The following CCDC24 variants were observed in gnomAD, a reference collection of about 807,000 sequenced individuals.
CCDC24 encodes the protein coiled-coil domain-containing protein 24.
CCDC24 carries 34 observed loss-of-function variants against 31.6 expected under a neutral mutation model. That is an observed-to-expected ratio of 1.08 (90% CI 0.82 to 1.43). The LOEUF is 1.43. Ranked by LOEUF, CCDC24 falls within the 40% of genes most tolerant of loss-of-function variation. The pLI is 0.00. For synonymous variants in CCDC24, 175 were observed against 157.3 expected, an observed-to-expected ratio of 1.11 and a Z score of -0.84; for missense variants, 426 against 391.1, an observed-to-expected ratio of 1.09 and a Z score of -0.75.
rs765133071 is a variant in CCDC24, at chr1:43,992,513, C to G, written c.303-10C>G. The stretch of plus-strand genomic sequence containing the variant: ...AGCCTCTCAGCTTCCTTCCTGTGCA[C>G]CTTCTGCAGGGACCAGGCCCAAGCT... On this transcript the variant is annotated splice_polypyrimidine_tract_variant and intron_variant, in intron 3 of 8. Transcript: ENST00000372318. The G allele has an allele frequency of 6.2e-7, 1 of 1,614,148 alleles. No individual in the cohort carries two copies. The highest frequency in any genetic ancestry group is 8.5e-7 in the Non-Finnish European group (1 of 1,179,960).
chr1:43,995,740 A>G lies in CCDC24; in HGVS notation c.623-38A>G. ...CACCCCACACTTGTACACACCCTAG[A>G]AGAGCTGGGCACTGTCTCAGCCCAA... On this transcript the variant is annotated intron_variant, in intron 7 of 8. Transcript: ENST00000372318. This position sits in a 1 kb window ranked among gnomAD's most constrained non-coding sequence, Gnocchi z 4.3. The G allele has an allele frequency of 1.9e-6, 3 of 1,613,846 alleles. No individual in the cohort carries two copies. The highest frequency in any genetic ancestry group is 2.5e-6 in the Non-Finnish European group (3 of 1,179,762).
At position 43,996,249 on chromosome 1, in the gene CCDC24, G is replaced by T; in HGVS notation, c.*89G>T. The T allele has an allele frequency of 8.0e-7, 1 of 1,257,110 alleles. No homozygotes were observed. The highest frequency in any genetic ancestry group is 1.5e-5 in the South Asian group (1 of 65,136). The allele number at this position is 1,257,110 out of a possible 1,614,324, so 77.9% of individuals were successfully genotyped here. A position where few individuals can be genotyped will look rare whatever the true frequency, so the allele number is the denominator to read the frequency against. On this transcript the variant is annotated 3_prime_UTR_variant, in exon 9 of 9. Coordinates refer to ENST00000372318, the MANE Select transcript of CCDC24 (RefSeq NM_152499.4). Reference sequence around the variant, plus strand: ...AGCTGCTTTGGCCCAGCCAGCTTCAGATCTGGTCTTGGCGAGCTCTCGCCA... The same window carrying T: ...AGCTGCTTTGGCCCAGCCAGCTTCATATCTGGTCTTGGCGAGCTCTCGCCA...
chr1:43,991,770 C>A, intron 1 of CCDC24, 24 bp downstream of exon 1: 2 of 1,379,276 alleles, frequency 1.5e-6, no homozygotes, highest in South Asian at 1.2e-5. Context: ...GAGGGCGGGG[C>A]CCATAGAGGG....
chr1:43,992,069 T>C, intron 2 of CCDC24, 65 bp downstream of exon 2: 1 of 1,301,660 alleles, frequency 7.7e-7, no homozygotes, highest in Non-Finnish European at 1.0e-6. Flanking sequence ...TTCCCACCTC[T>C]GCGGGTCCCT....
rs748096909 is a variant in CCDC24 at position 43,996,113 on chromosome 1, C to T, written c.877C>T (p.Pro293Ser). Reference sequence around the variant, plus strand: ...GCTTCAGTGCAGCCCCAGGGAAGGGCCAGCTTCCACACCCATGTCCAGTGC... The same window carrying T: ...GCTTCAGTGCAGCCCCAGGGAAGGGTCAGCTTCCACACCCATGTCCAGTGC... The part of the protein sequence containing the change: ...RQLQCSPREG[P>S]ASTPMSSAAP... Residue 293 changes from proline to serine, a missense_variant, in exon 9 of 9, where the codon CCA becomes TCA. Physicochemically the swap from Pro to Ser is moderately conservative, Grantham distance 74. Transcript: ENST00000372318. 2.0e-5 allele frequency: 32 copies of T among 1,612,864 alleles called. No individual in the cohort carries two copies. The highest frequency in any genetic ancestry group is 2.7e-5 in the Non-Finnish European group (32 of 1,179,538).
rs769998008 is a variant in CCDC24, at chr1:43,995,874, A to T, written c.701+18A>T. ...AACCACAGGTAAACCACAACAGTAG[A>T]CACAGGGCAGGGTGGACTGAAGGAT... On this transcript the variant is annotated intron_variant, in intron 8 of 8. Transcript: ENST00000372318. The surrounding 1 kb of genome is among the most constrained non-coding windows in gnomAD (Gnocchi z 4.3). 1.9e-6 allele frequency: 3 copies of T among 1,614,192 alleles called. No individual in the cohort carries two copies. The highest frequency in any genetic ancestry group is 1.7e-5 in the Admixed American group (1 of 60,034).
Position 43,995,544 on chromosome 1 carries a change from T to TCCTGCCTTGCCCCACC in CCDC24, c.553-47_553-32dup. 6.6e-7 allele frequency: 1 copy of TCCTGCCTTGCCCCACC among 1,510,402 alleles called. No individual in the cohort carries two copies. The highest frequency in any genetic ancestry group is 8.9e-7 in the Non-Finnish European group (1 of 1,121,104). The allele number at this position is 1,510,402 out of a possible 1,614,324, so 93.6% of individuals were successfully genotyped here. ...TGCCCTGGGGATCTTGGCCTCTGTA[T>TCCTGCCTTGCCCCACC]CCTGCCTTGCCCCACCCCTGCCTTG... On this transcript the variant is annotated intron_variant, in intron 6 of 8. Coordinates refer to ENST00000372318, the MANE Select transcript of CCDC24 (RefSeq NM_152499.4). The surrounding 1 kb of genome is among the most constrained non-coding windows in gnomAD (Gnocchi z 4.3).
rs769221473 is a variant in CCDC24, at chr1:43,995,130, C to T, written c.520C>T (p.His174Tyr). The change falls in exon 6 of 9, where the codon CAC (histidine) becomes TAC (tyrosine). Residue 174 changes from histidine to tyrosine, a missense_variant. His to Tyr is a moderately conservative substitution (Grantham distance 83). Coordinates refer to ENST00000372318, the MANE Select transcript of CCDC24 (RefSeq NM_152499.4). The surrounding 1 kb of genome is among the most constrained non-coding windows in gnomAD (Gnocchi z 4.3). Reference sequence around the variant, plus strand: ...CAGGGGCCTTCTGGAGGAGGAGTGTCACACCTTGGAGAGGGAGATCCTCAT... The same window carrying T: ...CAGGGGCCTTCTGGAGGAGGAGTGTTACACCTTGGAGAGGGAGATCCTCAT... Reference protein sequence around the residue: ...HLRGLLEEECHTLEREILILQ... With the variant: ...HLRGLLEEECYTLEREILILQ... 2.5e-6 allele frequency: 4 copies of T among 1,582,496 alleles called. No homozygotes were observed. In the South Asian group the frequency reaches 3.5e-5, roughly 14 times the overall value.
intron 2 of CCDC24, 66 bp from the exon 3 acceptor site, chr1:43,992,146 C>A: frequency 6.5e-7 from 1 of 1,531,626 alleles, no homozygotes; most frequent in Non-Finnish European, 8.9e-7. Flanking sequence ...CTCCCTCACT[C>A]CCCCAGCCCC....
At chr1:43,993,230 C>A (rs924438563) in intron 4 of CCDC24, among the ~76,000 whole-genome samples, 2 of 151,514 alleles carry the variant, frequency 1.3e-5, no homozygotes, top group Non-Finnish European at 2.9e-5. Flanking sequence ...GGCTTGAGGC[C>A]AGGAGTTTGA....
In CCDC24 at chr1:43,996,216, G is replaced by A; in HGVS notation, c.*56G>A. On this transcript the variant is annotated 3_prime_UTR_variant, in exon 9 of 9. Transcript: ENST00000372318. Reference sequence around the variant, plus strand: ...TGCCACAGCGCACCTGTCTGCCGCTGCCGCCTCAGCTGCTTTGGCCCAGCC... The same window carrying A: ...TGCCACAGCGCACCTGTCTGCCGCTACCGCCTCAGCTGCTTTGGCCCAGCC... 7.1e-7 allele frequency: 1 copy of A among 1,415,692 alleles called. No individual in the cohort carries two copies. The highest frequency in any genetic ancestry group is 9.4e-7 in the Non-Finnish European group (1 of 1,061,124). 87.7% of individuals were successfully genotyped at this position (1,415,692 alleles called of 1,614,324 possible). A position where few individuals can be genotyped will look rare whatever the true frequency, so the allele number is the denominator to read the frequency against.
In CCDC24 at chr1:43,996,051, C is replaced by T. The variant is rs369147549; in HGVS notation, c.815C>T (p.Pro272Leu). ...PAPPLEPYLR[P>L]RGQSATHRWG... Reference sequence around the variant, plus strand: ...CCTCCTCTGGAGCCCTACCTTCGACCTCGAGGCCAGTCGGCTACCCACCGC... The same window carrying T: ...CCTCCTCTGGAGCCCTACCTTCGACTTCGAGGCCAGTCGGCTACCCACCGC... The change falls in exon 9 of 9, where the codon CCT becomes CTT. Residue 272 changes from proline (P) to leucine (L), a missense_variant. By Grantham distance (98) the Pro-to-Leu change is moderately conservative. Coordinates refer to ENST00000372318, the MANE Select transcript of CCDC24 (RefSeq NM_152499.4). 1 of 1,614,022 alleles carries T rather than the reference C, an allele frequency of 6.2e-7. No homozygotes were observed. The highest frequency in any genetic ancestry group is 8.5e-7 in the Non-Finnish European group (1 of 1,180,030).
In CCDC24 at chr1:43,991,993, C is replaced by G. The variant is rs2085752702; in HGVS notation, c.115C>G (p.Leu39Val). The change falls in exon 2 of 9, where the codon CTG (leucine) becomes GTG (valine). Residue 39 changes from leucine to valine, a missense_variant. By Grantham distance (32) the Leu-to-Val change is conservative. Transcript: ENST00000372318. ...GGCGGCGGTGGACCTGAGCCTGGAG[C>G]TGCGGGCGGAGGTGGGGAGAGGGAA... ...GEAAVDLSLE[L>V]RAEVAMLRAL... 6.6e-7 allele frequency: 1 copy of G among 1,506,738 alleles called. No individual in the cohort carries two copies. The highest frequency in any genetic ancestry group is 8.9e-7 in the Non-Finnish European group (1 of 1,120,220). 93.3% of individuals were successfully genotyped at this position (1,506,738 alleles called of 1,614,324 possible).
chr1:43,992,053 G>A (rs925628220), intron 2 of CCDC24, 49 bp downstream of exon 2: 5 of 1,372,206 alleles, frequency 3.6e-6, no homozygotes, highest in South Asian at 1.4e-5. Flanking sequence ...CCACGACTCG[G>A]GTGATTTCCC....
In CCDC24 at chr1:43,996,123, C is replaced by T. The variant is rs2085851692; in HGVS notation, c.887C>T (p.Thr296Ile). The change falls in exon 9 of 9, where the codon ACA becomes ATA. Residue 296 changes from threonine to isoleucine, a missense_variant. By Grantham distance (89) the Thr-to-Ile change is moderately conservative (BLOSUM62 -1). Transcript: ENST00000372318. ...AGCCCCAGGGAAGGGCCAGCTTCCA[C>T]ACCCATGTCCAGTGCAGCACCCCAA... ...QCSPREGPASTPMSSAAPQAP... is the reference protein window; with the variant it reads ...QCSPREGPASIPMSSAAPQAP... 2 of 1,611,412 alleles carry T rather than the reference C, an allele frequency of 1.2e-6. No homozygotes were observed. The highest frequency in any genetic ancestry group is 1.7e-5 in the Admixed American group (1 of 59,792).
chr1:43,992,591 G>A lies in CCDC24; in HGVS notation c.371G>A (p.Cys124Tyr). Residue 124 changes from cysteine to tyrosine, a missense_variant, in exon 4 of 9, where the codon TGT (cysteine) becomes TAT (tyrosine). By Grantham distance (194) the Cys-to-Tyr change is radical (BLOSUM62 -2). Coordinates refer to ENST00000372318, the MANE Select transcript of CCDC24 (RefSeq NM_152499.4). Reference protein sequence around the residue: ...VLHFALEEPRCDLPEQEIFQM... With the variant: ...VLHFALEEPRYDLPEQEIFQM... ...CACTTTGCCTTGGAGGAGCCCAGGT[G>A]TGATTTGCCAGAACAGGAGATATTC... The A allele has an allele frequency of 6.2e-7, 1 of 1,614,224 alleles. No individual in the cohort carries two copies. Among genetic ancestry groups the A allele is most frequent in the East Asian group, 2.2e-5 (1 of 44,890 alleles).
At position 43,996,263 on chromosome 1, in the gene CCDC24, G is replaced by T; in HGVS notation, c.*103G>T. The T allele has an allele frequency of 8.9e-7, 1 of 1,129,116 alleles. No homozygotes were observed. Among genetic ancestry groups the T allele is most frequent in the Non-Finnish European group, 1.2e-6 (1 of 814,082 alleles). 69.9% of individuals were successfully genotyped at this position (1,129,116 alleles called of 1,614,324 possible). Reference sequence around the variant, plus strand: ...AGCCAGCTTCAGATCTGGTCTTGGCGAGCTCTCGCCAGGACCCCAAGGCTG... The same window carrying T: ...AGCCAGCTTCAGATCTGGTCTTGGCTAGCTCTCGCCAGGACCCCAAGGCTG... On this transcript the variant is annotated 3_prime_UTR_variant, in exon 9 of 9. Transcript: ENST00000372318.
rs549211673 is a variant in CCDC24, at chr1:43,992,122, T to C, written c.127-90T>C. ...CCCGAGATCCTATCCTGGTCTCCCC[T>C]TTGACTCCGCCCTCTCCCTCACTCC... On this transcript the variant is annotated intron_variant, in intron 2 of 8. Transcript: ENST00000372318. 1.2e-5 allele frequency: 18 copies of C among 1,516,004 alleles called. No homozygotes were observed. In the South Asian group the frequency reaches 2.0e-4, roughly 17 times the overall value. The allele number at this position is 1,516,004 out of a possible 1,614,324, so 93.9% of individuals were successfully genotyped here.
At chr1:43,992,743 T>C in intron 4 of CCDC24, 104 bp downstream of exon 4, 2 of 1,021,452 alleles carry the variant, frequency 2.0e-6, no homozygotes, top group Non-Finnish European at 3.0e-6. Context: ...AGTCACGGGC[T>C]GGGCACTTCC....
Sources: allele counts gnomAD v4.1 joint callset (sites outside exome capture counted in the v4.1 genomes callset), GRCh38; gene constraint gnomAD v4.1.1; non-coding constraint Gnocchi (gnomAD v3.1); transcripts MANE v1.5; gene names NCBI Gene and HGNC (gene_info 2026-07-23, HGNC 2026-07-21).